The following KLHL2 variants were observed in gnomAD, a reference collection of about 807,000 sequenced individuals.
The protein encoded by KLHL2 is kelch like family member 2, also known as kelch-like protein 2.
KLHL2 carries 15 observed loss-of-function variants against 75.8 expected under a neutral mutation model. The observed-to-expected ratio is 0.20, with a 90% CI of 0.13 to 0.30. The LOEUF (loss-of-function observed/expected upper bound fraction) is 0.30, where lower values mean the gene tolerates loss of function less well. Among genes scored for constraint, KLHL2 ranks in the 10% least tolerant of loss-of-function variants. The pLI is 1.00. For synonymous variants in KLHL2, 214 were observed against 251.9 expected (o/e 0.85, Z 1.42); for missense variants, 381 against 741.0 (o/e 0.51, Z 5.64).
intron 5 of KLHL2, among the ~76,000 whole-genome samples, chr4:165,271,242 G>T (rs183364975): frequency 6.6e-6 from 1 of 152,244 alleles, no homozygotes; most frequent in African/African-American, 2.4e-5. Context: ...GCTTTGGACA[G>T]TATGGTCATT....
At chr4:165,262,253 TAA>T (rs752344863) in intron 4 of KLHL2, among the ~76,000 whole-genome samples, 14 of 152,324 alleles carry the variant, frequency 9.2e-5, no homozygotes, top group Non-Finnish European at 1.8e-4. Flanking sequence ...AAATGCAAAT[TAA>T]AAAGTTATTA....
rs567956734 is a variant in KLHL2 at position 165,226,479 on chromosome 4, C to T, written c.153-2328C>T. 3.3e-5 allele frequency among the ~76,000 whole-genome samples: 5 copies of T among 152,318 alleles called. No homozygotes were observed. In the South Asian group the frequency reaches 1.0e-3, roughly 32 times the overall value. Reference sequence around the variant, plus strand: ...CCAGTCTGATTTAAATGCAGCCCCCCACCCCAGCCTTTCCATAACATCTTT... The same window carrying T: ...CCAGTCTGATTTAAATGCAGCCCCCTACCCCAGCCTTTCCATAACATCTTT... On this transcript the variant is annotated intron_variant, in intron 2 of 14. Transcript: ENST00000226725.
chr4:165,278,677 A>T, intron 5 of KLHL2: 1 of 1,601,654 alleles, frequency 6.2e-7, no homozygotes, highest in Non-Finnish European at 8.6e-7. Context: ...CACCAGCTAT[A>T]GCTACAGAAC....
At chr4:165,256,756 A>C (rs887796658) in intron 4 of KLHL2, among the ~76,000 whole-genome samples, 1 of 152,254 alleles carries the variant, frequency 6.6e-6, no homozygotes, top group Non-Finnish European at 1.5e-5. Context: ...CAAATATGTA[A>C]AAATAAATAG....
intron 5 of KLHL2, among the ~76,000 whole-genome samples, chr4:165,285,188 C>T (rs1054190303): frequency 1.3e-5 from 2 of 152,040 alleles, no homozygotes; most frequent in African/African-American, 4.8e-5. Flanking sequence ...TTTGAGGTTA[C>T]GAATACATAT....
chr4:165,279,490 C>T (rs755109054), intron 5 of KLHL2: 54 of 1,577,886 alleles, frequency 3.4e-5, no homozygotes, highest in Non-Finnish European at 4.5e-5. Context: ...CCTGTTCCAC[C>T]CATCCTTCTC....
intron 3 of KLHL2, among the ~76,000 whole-genome samples, chr4:165,235,012 G>A (rs1295666591): frequency 6.6e-6 from 1 of 152,078 alleles, no homozygotes; most frequent in African/African-American, 2.4e-5. Context: ...AAAAAAGGTA[G>A]AGATGATGTG....
At chr4:165,318,113 CT>C (rs1746715659) in intron 14 of KLHL2, 144 bp downstream of exon 14, 1 of 716,780 alleles carries the variant, frequency 1.4e-6, no homozygotes, top group East Asian at 2.8e-5. Flanking sequence ...TTAACATTGG[CT>C]GTGTATATTC....
intron 5 of KLHL2, among the ~76,000 whole-genome samples, chr4:165,289,696 A>G (rs1330264559): frequency 1.3e-5 from 2 of 152,144 alleles, no homozygotes; most frequent in Non-Finnish European, 2.9e-5. Flanking sequence ...AGAGTTTACT[A>G]ATGCCCTTCT....
chr4:165,313,876 C>A, intron 12 of KLHL2, 150 bp from the exon 13 acceptor site: 1 of 659,314 alleles, frequency 1.5e-6, no homozygotes, highest in Non-Finnish European at 2.5e-6. Flanking sequence ...TATTGATTTC[C>A]ATTTCTTAAA....
chr4:165,256,770 A>G (rs965115471), intron 4 of KLHL2, among the ~76,000 whole-genome samples: 1 of 152,250 alleles, frequency 6.6e-6, no homozygotes, highest in African/African-American at 2.4e-5. Flanking sequence ...TAAATAGGAA[A>G]TGTTCATATC....
At chr4:165,267,965 A>G (rs1244139522) in intron 5 of KLHL2, among the ~76,000 whole-genome samples, 2 of 152,178 alleles carry the variant, frequency 1.3e-5, no homozygotes, top group African/African-American at 4.8e-5. Flanking sequence ...TTAATAGGCT[A>G]TTAATGATTG....
intron 4 of KLHL2, among the ~76,000 whole-genome samples, chr4:165,242,925 A>G (rs988877904): frequency 9.2e-5 from 14 of 152,240 alleles, no homozygotes; most frequent in Non-Finnish European, 1.9e-4. Flanking sequence ...TTTTATATGT[A>G]GCTCATTTGA....
At chr4:165,231,438 G>GA (rs946879044) in intron 3 of KLHL2, among the ~76,000 whole-genome samples, 11 of 149,214 alleles carry the variant, frequency 7.4e-5, no homozygotes, top group Non-Finnish European at 7.4e-5. Context: ...GACAGAGTGA[G>GA]AAAAAAAAAA....
chr4:165,287,219 T>C (rs2126455311), intron 5 of KLHL2, among the ~76,000 whole-genome samples: 1 of 152,342 alleles, frequency 6.6e-6, no homozygotes, highest in East Asian at 1.9e-4. Flanking sequence ...TTGACTCCTT[T>C]AGATACCTCA....
At chr4:165,292,084 A>G (rs375220579) in intron 5 of KLHL2, among the ~76,000 whole-genome samples, 19 of 152,196 alleles carry the variant, frequency 1.2e-4, no homozygotes, top group East Asian at 9.6e-4. Context: ...TTTTTTCGCA[A>G]TATTTTTGAT....
intron 4 of KLHL2, among the ~76,000 whole-genome samples, chr4:165,249,174 G>C (rs1193470323): frequency 1.3e-5 from 2 of 152,194 alleles, no homozygotes; most frequent in African/African-American, 4.8e-5. Flanking sequence ...TGTCACAGTG[G>C]GGGTTAGACA....
intron 1 of KLHL2, among the ~76,000 whole-genome samples, chr4:165,216,981 C>T (rs1737591678): frequency 6.6e-6 from 1 of 152,148 alleles, no homozygotes; most frequent in African/African-American, 2.4e-5. Flanking sequence ...TGGCAACTGT[C>T]TTAAAGTGAA....
At chr4:165,278,971 A>C (rs761613726) in intron 5 of KLHL2, 1 of 1,484,148 alleles carries the variant, frequency 6.7e-7, no homozygotes, top group East Asian at 2.3e-5. Context: ...TTTCCATTGG[A>C]ATTCCAAAAA....
Sources: gnomAD v4.1 joint callset for allele counts (sites outside exome capture counted in the v4.1 genomes callset) on GRCh38, gnomAD v4.1.1 for gene constraint, MANE v1.5 for transcripts, NCBI Gene and HGNC (gene_info 2026-07-23, HGNC 2026-07-21) for gene names.